The following NECAP2 variants were observed in gnomAD, a reference collection of about 807,000 sequenced individuals.
The protein encoded by NECAP2 is adaptin ear-binding coat-associated protein 2.
In NECAP2, 38 loss-of-function variants were observed where a neutral mutation model predicts 37.8. The observed-to-expected ratio is 1.01, with a 90% CI of 0.78 to 1.32. The LOEUF (loss-of-function observed/expected upper bound fraction) is 1.32. Among genes scored for constraint, NECAP2 ranks in the 40% most tolerant of loss-of-function variants. NECAP2 has a pLI of 0.00. For missense variants in NECAP2, 316 were observed against 334.5 expected (o/e 0.94, Z 0.43); for synonymous variants, 121 against 127.7 (o/e 0.95, Z 0.35).
chr1:16,451,588 T>C (rs2086843480), intron 5 of NECAP2: 3 of 545,272 alleles, frequency 5.5e-6, no homozygotes, highest in South Asian at 4.4e-5. Flanking sequence ...TATATCATTA[T>C]AGCTTTGATC....
At chr1:16,446,744 A>G (rs916073463) in intron 2 of NECAP2, among the ~76,000 whole-genome samples, 3 of 152,086 alleles carry the variant, frequency 2.0e-5, no homozygotes, top group Non-Finnish European at 2.9e-5. Context: ...AGGTTTCACC[A>G]TCTTGCTCAT....
chr1:16,455,949 C>G (rs1219452257), intron 7 of NECAP2, 56 bp downstream of exon 7: 2 of 1,335,408 alleles, frequency 1.5e-6, no homozygotes, highest in Non-Finnish European at 2.2e-6. Flanking sequence ...GCTCTACAAA[C>G]CTGGTATTGT....
chr1:16,447,571 C>T (rs1458969728), intron 2 of NECAP2, among the ~76,000 whole-genome samples: 1 of 152,152 alleles, frequency 6.6e-6, no homozygotes. Flanking sequence ...CCAACTTATT[C>T]TCAGGTGGGC....
At chr1:16,451,583 CATT>C (rs893336564) in intron 5 of NECAP2, 109 of 532,626 alleles carry the variant, frequency 2.0e-4, no homozygotes, top group African/African-American at 2.0e-3. Flanking sequence ...AATGGTATAT[CATT>C]ATAGCTTTGA....
chr1:16,448,202 C>A, intron 4 of NECAP2, 61 bp downstream of exon 4: 2 of 1,489,124 alleles, frequency 1.3e-6, no homozygotes, highest in South Asian at 1.1e-5. Flanking sequence ...ACAGAATGAT[C>A]TCCCAGGTTA....
At chr1:16,454,105 G>A (rs918660698) in intron 6 of NECAP2, among the ~76,000 whole-genome samples, 3 of 151,992 alleles carry the variant, frequency 2.0e-5, no homozygotes, top group Non-Finnish European at 2.9e-5. Context: ...TGTTGCCCAG[G>A]CTGGAGTGTG....
intron 1 of NECAP2, chr1:16,441,399 T>G (rs2100938831): frequency 6.5e-6 from 1 of 153,472 alleles, no homozygotes; most frequent in South Asian, 1.9e-4. Flanking sequence ...CCTTCTATAT[T>G]TCTCTGGTCT....
In NECAP2 at chr1:16,449,142, C is replaced by T. The variant is rs759715471; in HGVS notation, c.430C>T (p.Gln144Ter). The T allele has an allele frequency of 1.9e-6, 3 of 1,613,566 alleles. No homozygotes were observed. Among genetic ancestry groups the T allele is most frequent in the Admixed American group, 3.3e-5 (2 of 59,936 alleles). ...EFAKQAQNPD[Q>*]GPKLDLGFKE... ...TGCAAAACAAGCCCAGAACCCAGAC[C>T]AAGGCCCTAAACTGGACCTGGGCTT... is the stretch of plus-strand genomic sequence containing the variant. The change falls in exon 5 of 8, where the codon CAA becomes TAA. Residue 144 changes from glutamine (Q) to a stop codon, truncating the protein, a stop_gained. Transcript: ENST00000337132. LOFTEE classifies it high-confidence loss of function.
Position 16,440,860 on chromosome 1 carries a change from A to G in NECAP2, c.92+7A>G, listed in dbSNP as rs199853711. The G allele has an allele frequency of 6.3e-5, 101 of 1,610,814 alleles. No homozygotes were observed. The Admixed American group carries it at 7.7e-4, about 12-fold the overall frequency. On this transcript the variant is annotated splice_region_variant and intron_variant, in intron 1 of 7. Transcript: ENST00000337132. ...CTACCAACCGTGGCTACAGGTGACTACCCACCGCCAGACCAGGCTAGCTCC... is the reference window on the plus strand; with the variant it reads ...CTACCAACCGTGGCTACAGGTGACTGCCCACCGCCAGACCAGGCTAGCTCC...
chr1:16,456,640 A>G (rs2086923927), intron 7 of NECAP2, among the ~76,000 whole-genome samples: 1 of 152,060 alleles, frequency 6.6e-6, no homozygotes, highest in Non-Finnish European at 1.5e-5. Flanking sequence ...AGATCTCAAG[A>G]CTTTACTTGG....
intron 6 of NECAP2, 43 bp from the exon 7 acceptor site, chr1:16,455,775 C>T (rs1321270132): frequency 3.9e-5 from 58 of 1,499,542 alleles, no homozygotes; most frequent in Non-Finnish European, 5.3e-5. Flanking sequence ...ACTTCTCTGT[C>T]CCCTCTTCTC....
intron 6 of NECAP2, among the ~76,000 whole-genome samples, chr1:16,454,233 A>AT (rs2086886492): frequency 6.9e-6 from 1 of 145,538 alleles, no homozygotes; most frequent in African/African-American, 2.6e-5. Flanking sequence ...CTAATTTTGT[A>AT]TTTTTAGTGG....
intron 2 of NECAP2, among the ~76,000 whole-genome samples, chr1:16,446,549 A>G (rs1306548767): frequency 6.6e-6 from 1 of 150,968 alleles, no homozygotes; most frequent in African/African-American, 2.4e-5. Context: ...GCAACAGAGC[A>G]TGACCCTGTT....
chr1:16,446,628 T>A (rs1557686628), intron 2 of NECAP2, among the ~76,000 whole-genome samples: 1 of 151,752 alleles, frequency 6.6e-6, no homozygotes, highest in East Asian at 2.0e-4. Context: ...CACTGCAGCC[T>A]CCAACTCCTG....
At chr1:16,442,879 G>A (rs1223763471) in intron 1 of NECAP2, among the ~76,000 whole-genome samples, 2 of 152,146 alleles carry the variant, frequency 1.3e-5, no homozygotes, top group Non-Finnish European at 2.9e-5. Context: ...CCGTAGTTGC[G>A]CCACTGCACT....
chr1:16,446,920 C>T (rs1263818520), intron 2 of NECAP2, among the ~76,000 whole-genome samples: 1 of 151,628 alleles, frequency 6.6e-6, no homozygotes, highest in Non-Finnish European at 1.5e-5. Context: ...ATTAGTGGGG[C>T]GTGGTGGTGC....
At chr1:16,448,308 C>T in intron 4 of NECAP2, 167 bp downstream of exon 4, 2 of 687,930 alleles carry the variant, frequency 2.9e-6, no homozygotes, top group Admixed American at 4.8e-5. Context: ...TTCATCTCTG[C>T]TGTAAAGCCT....
rs1180379217 is a variant in NECAP2, at chr1:16,458,942, G to C, written c.*52G>C. ...CTTCTGGGAAGGCGCTCCCTCATCT[G>C]GGCCAAAGGAAGGAGGACGAAGCCC... On this transcript the variant is annotated 3_prime_UTR_variant, in exon 8 of 8. Transcript: ENST00000337132. 2.5e-6 allele frequency: 4 copies of C among 1,613,874 alleles called. No homozygotes were observed. Among genetic ancestry groups the C allele is most frequent in the Admixed American group, 1.7e-5 (1 of 59,976 alleles).
rs991963753 is a variant in NECAP2, at chr1:16,448,200, A to T, written c.380+59A>T. The T allele has an allele frequency of 7.4e-6, 11 of 1,491,586 alleles. No homozygotes were observed. The African/African-American group carries it at 1.5e-4, about 21-fold the overall frequency. 92.4% of individuals were successfully genotyped at this position (1,491,586 alleles called of 1,614,324 possible). ...CTCCCTTCTTTCCCTGGACAGAATG[A>T]TCTCCCAGGTTAGGATACCCAAGTG... On this transcript the variant is annotated intron_variant, in intron 4 of 7. Transcript: ENST00000337132.
Sources: allele counts gnomAD v4.1 joint callset (sites outside exome capture counted in the v4.1 genomes callset), GRCh38; gene constraint gnomAD v4.1.1; transcripts MANE v1.5; gene names NCBI Gene and HGNC (gene_info 2026-07-23, HGNC 2026-07-21).